PHACTR2: variants seen among roughly 807,000 people sequenced by gnomAD.
PHACTR2 encodes phosphatase and actin regulator 2.
In PHACTR2, 30 loss-of-function variants were observed where a neutral mutation model predicts 76.0. That is an observed-to-expected ratio of 0.39 (90% CI 0.30 to 0.54). PHACTR2 has a LOEUF of 0.54. Among genes scored for constraint, PHACTR2 ranks in the 20% least tolerant of loss-of-function variants. The pLI is 0.61. For missense variants in PHACTR2, 696 were observed against 781.1 expected (o/e 0.89, Z 1.30); for synonymous variants, 292 against 292.5 (o/e 1.00, Z 0.02).
chr6:143,798,998 T>C (rs1296053677), intron 11 of PHACTR2, among the ~76,000 whole-genome samples: 1 of 152,230 alleles, frequency 6.6e-6, no homozygotes, highest in Non-Finnish European at 1.5e-5. Context: ...AGAATTTGGC[T>C]GTGAATCCGT....
intron 1 of PHACTR2, among the ~76,000 whole-genome samples, chr6:143,542,300 G>C (rs1781178352): frequency 6.6e-6 from 1 of 152,164 alleles, no homozygotes; most frequent in Non-Finnish European, 1.5e-5. Context: ...CTGACCGCCG[G>C]TCAGGCTTCA....
Position 143,680,660 on chromosome 6 carries a change from T to C in PHACTR2, c.46+2451T>C, listed in dbSNP as rs1454633738. Among the ~76,000 whole-genome samples, 2 of 152,216 alleles carry C rather than the reference T, an allele frequency of 1.3e-5. No individual in the cohort carries two copies. Among genetic ancestry groups the C allele is most frequent in the African/African-American group, 4.8e-5 (2 of 41,466 alleles). On this transcript the variant is annotated intron_variant, in intron 1 of 12. Transcript: ENST00000440869. The surrounding 1 kb of genome is among the most constrained non-coding windows in gnomAD (Gnocchi z 4.5). ...ATTAAAAAGAACAGCTGTATTGATG[T>C]ATAATTCACATACTATAAAATTCAC...
rs1216289590 is a variant in PHACTR2, at chr6:143,743,132, A to G, written c.215-5853A>G. ...GATAGTGAGATCTCCATGCAGAGCTACTGTGTGAAGAGAACTTAACATTTT... is the reference window on the plus strand; with the variant it reads ...GATAGTGAGATCTCCATGCAGAGCTGCTGTGTGAAGAGAACTTAACATTTT... On this transcript the variant is annotated intron_variant, in intron 2 of 12. Transcript: ENST00000440869. The surrounding 1 kb of genome is among the most constrained non-coding windows in gnomAD (Gnocchi z 5.0). Among the ~76,000 whole-genome samples the G allele has an allele frequency of 1.3e-5, 2 of 152,218 alleles. No individual in the cohort carries two copies. The highest frequency in any genetic ancestry group is 4.1e-4 in the South Asian group (2 of 4,828).
chr6:143,807,759 C>G lies in PHACTR2; in HGVS notation c.1922+626C>G, dbSNP rs1296173993. On this transcript the variant is annotated intron_variant, in intron 12 of 12. Coordinates refer to ENST00000440869, the MANE Select transcript of PHACTR2 (RefSeq NM_001100164.2). The surrounding 1 kb of genome is among the most constrained non-coding windows in gnomAD (Gnocchi z 5.5). Reference sequence around the variant, plus strand: ...GACGAAGGAGATCGCTATCATCTTACCATTTTTCCCTCAGTCCCTTTCGGT... The same window carrying G: ...GACGAAGGAGATCGCTATCATCTTAGCATTTTTCCCTCAGTCCCTTTCGGT... 6.6e-6 allele frequency among the ~76,000 whole-genome samples: 1 copy of G among 152,166 alleles called. No homozygotes were observed. The highest frequency in any genetic ancestry group is 1.5e-5 in the Non-Finnish European group (1 of 68,028).
chr6:143,577,278 A>T (rs975875084), intron 1 of PHACTR2, among the ~76,000 whole-genome samples: 2 of 152,218 alleles, frequency 1.3e-5, no homozygotes, highest in Admixed American at 1.3e-4. Flanking sequence ...AAAGTAGCCA[A>T]CTTGGTCCCT....
In PHACTR2 at chr6:143,602,336, C is replaced by A. The variant is rs1775822504; in HGVS notation, c.217+65129C>A. 6.6e-6 allele frequency among the ~76,000 whole-genome samples: 1 copy of A among 152,126 alleles called. No homozygotes were observed. The highest frequency in any genetic ancestry group is 2.4e-5 in the African/African-American group (1 of 41,418). On this transcript the variant is annotated intron_variant, in intron 1 of 11. Coordinates refer to the PHACTR2 transcript ENST00000367584. This position sits in a 1 kb window ranked among gnomAD's most constrained non-coding sequence, Gnocchi z 6.1. ...TAATTATTGATTATGAAGACTTATC[C>A]TCTCCCTGCCCCTCAAGGCTTTATA...
chr6:143,628,297 T>C (rs1015861064), intron 1 of PHACTR2, among the ~76,000 whole-genome samples: 1 of 152,252 alleles, frequency 6.6e-6, no homozygotes, highest in African/African-American at 2.4e-5. Context: ...ATTGTTGCTG[T>C]AACAAATTGC....
Position 143,580,436 on chromosome 6 carries a change from GATCGTGCCA to G in PHACTR2, c.217+43230_217+43238del, listed in dbSNP as rs1237393055. 6.6e-6 allele frequency among the ~76,000 whole-genome samples: 1 copy of G among 152,238 alleles called. No homozygotes were observed. The highest frequency in any genetic ancestry group is 1.5e-5 in the Non-Finnish European group (1 of 68,044). On this transcript the variant is annotated intron_variant, in intron 1 of 11. Coordinates refer to the PHACTR2 transcript ENST00000367584. This position sits in a 1 kb window ranked among gnomAD's most constrained non-coding sequence, Gnocchi z 4.2. ...GGAGGCGGGGCTTGCAGTGAGCCGA[GATCGTGCCA>G]CTGCACTCCAGCCTGGGCGACAGAG...
chr6:143,744,078 C>T (rs1318721715), intron 2 of PHACTR2, among the ~76,000 whole-genome samples: 2 of 152,170 alleles, frequency 1.3e-5, no homozygotes, highest in South Asian at 2.1e-4. Flanking sequence ...TGTACTACAC[C>T]CTGCTAGGTG....
At chr6:143,718,473 CT>C (rs1319766643) in intron 2 of PHACTR2, among the ~76,000 whole-genome samples, 1 of 152,228 alleles carries the variant, frequency 6.6e-6, no homozygotes, top group East Asian at 1.9e-4. Context: ...CTAGTTGCAT[CT>C]CTAAAAGGTG....
At position 143,708,097 on chromosome 6, in the gene PHACTR2, A is replaced by G; in HGVS notation, c.47-3919A>G. On this transcript the variant is annotated intron_variant, in intron 1 of 12. Coordinates refer to ENST00000440869, the MANE Select transcript of PHACTR2 (RefSeq NM_001100164.2). This position sits in a 1 kb window ranked among gnomAD's most constrained non-coding sequence, Gnocchi z 5.5. Reference sequence around the variant, plus strand: ...TATAATTTGACATGAGATTTGGGTGAGGATACATTTCTAAACCTTATCAAT... The same window carrying G: ...TATAATTTGACATGAGATTTGGGTGGGGATACATTTCTAAACCTTATCAAT... Among the ~76,000 whole-genome samples the G allele has an allele frequency of 6.6e-6, 1 of 152,222 alleles. No homozygotes were observed.
In PHACTR2 at chr6:143,651,417, A is replaced by G. The variant is rs1776761893; in HGVS notation, c.13+43095A>G. Reference sequence around the variant, plus strand: ...TATGTTCATTGCAACACTATCCACAAAAGCAAAGACATGGAATCAACCTAA... The same window carrying G: ...TATGTTCATTGCAACACTATCCACAGAAGCAAAGACATGGAATCAACCTAA... On this transcript the variant is annotated intron_variant, in intron 1 of 11. Coordinates refer to the PHACTR2 transcript ENST00000305766. 2.0e-5 allele frequency among the ~76,000 whole-genome samples: 3 copies of G among 152,248 alleles called. No homozygotes were observed. In the South Asian group the frequency reaches 6.2e-4, roughly 32 times the overall value.
intron 4 of PHACTR2, among the ~76,000 whole-genome samples, chr6:143,758,687 C>T (rs2128471867): frequency 6.6e-6 from 1 of 152,248 alleles, no homozygotes; most frequent in Admixed American, 6.5e-5. Context: ...GAGTAAGTGG[C>T]TCACACAATA....
rs1013657046 is a variant in PHACTR2, at chr6:143,738,550, G to A, written c.215-10435G>A. 1.3e-5 allele frequency among the ~76,000 whole-genome samples: 2 copies of A among 151,554 alleles called. No homozygotes were observed. Among genetic ancestry groups the A allele is most frequent in the South Asian group, 2.1e-4 (1 of 4,794 alleles). On this transcript the variant is annotated intron_variant, in intron 2 of 12. Transcript: ENST00000440869. The surrounding 1 kb of genome is among the most constrained non-coding windows in gnomAD (Gnocchi z 4.0). ...AGGTAAATGGATCACTTGAGCTCAC[G>A]ACCAGCCTGGGCAACATGACAAAAC...
rs1775255010 is a variant in PHACTR2, at chr6:143,775,614, G to A, written c.1589+1399G>A. On this transcript the variant is annotated intron_variant, in intron 8 of 12. Coordinates refer to ENST00000440869, the MANE Select transcript of PHACTR2 (RefSeq NM_001100164.2). The surrounding 1 kb of genome is among the most constrained non-coding windows in gnomAD (Gnocchi z 4.4). ...TCTGCCCAATTTTCTTTTGTATACT[G>A]TCTCCTGTTTTGTACTTTCTACTCT... Among the ~76,000 whole-genome samples, 1 of 152,144 alleles carries A rather than the reference G, an allele frequency of 6.6e-6. No individual in the cohort carries two copies. The highest frequency in any genetic ancestry group is 6.5e-5 in the Admixed American group (1 of 15,284).
Position 143,749,008 on chromosome 6 carries a change from C to G in PHACTR2, c.238C>G (p.Arg80Gly). The change falls in exon 3 of 13, where the codon CGA becomes GGA. Residue 80 changes from arginine to glycine, a missense_variant. This residue lies in a region of PHACTR2 where 460 missense variants were observed against 450.9 expected (regional missense o/e 1.02). Coordinates refer to ENST00000440869, the MANE Select transcript of PHACTR2 (RefSeq NM_001100164.2). ...AGTATTAGAAAGGAAGATATCCACA[C>G]GACAAAGTAGAGAGGAGCTGATAAG... Reference protein sequence around the residue: ...SAVLERKISTRQSREELIRRG... With the variant: ...SAVLERKISTGQSREELIRRG... 1 of 1,581,478 alleles carries G rather than the reference C, an allele frequency of 6.3e-7. No individual in the cohort carries two copies. The highest frequency in any genetic ancestry group is 8.7e-7 in the Non-Finnish European group (1 of 1,150,780).
rs1437537936 is a variant in PHACTR2, at chr6:143,807,397, T to C, written c.1922+264T>C. Among the ~76,000 whole-genome samples, 2 of 152,254 alleles carry C rather than the reference T, an allele frequency of 1.3e-5. No individual in the cohort carries two copies. The highest frequency in any genetic ancestry group is 2.4e-5 in the African/African-American group (1 of 41,476). On this transcript the variant is annotated intron_variant, in intron 12 of 12. Transcript: ENST00000440869. This position sits in a 1 kb window ranked among gnomAD's most constrained non-coding sequence, Gnocchi z 5.5. ...ATGACTAGATAAGATTGTAAATTTC[T>C]AGAATTTCATAATAAACTCAGCTAT...
At chr6:143,594,043 G>A (rs1775722263) in intron 1 of PHACTR2, among the ~76,000 whole-genome samples, 1 of 152,194 alleles carries the variant, frequency 6.6e-6, no homozygotes, top group Non-Finnish European at 1.5e-5. Flanking sequence ...TCTGAAATGT[G>A]AAATGCTCCA....
chr6:143,657,686 G>A (rs902602707), intron 1 of PHACTR2, among the ~76,000 whole-genome samples: 3 of 152,202 alleles, frequency 2.0e-5, no homozygotes, highest in African/African-American at 4.8e-5. Flanking sequence ...AGAGCTGTGA[G>A]GCAGCTCCAG....
Sources: allele counts gnomAD v4.1 joint callset (sites outside exome capture counted in the v4.1 genomes callset), GRCh38; gene constraint gnomAD v4.1.1; regional missense constraint gnomAD v4.1.1; non-coding constraint Gnocchi (gnomAD v3.1); transcripts MANE v1.5; gene names NCBI Gene and HGNC (gene_info 2026-07-23, HGNC 2026-07-21).